TRAPPC3L: variants seen among roughly 807,000 people sequenced by gnomAD.
The protein encoded by TRAPPC3L is trafficking protein particle complex subunit 3L.
TRAPPC3L carries 23 observed loss-of-function variants against 23.7 expected under a neutral mutation model. That is an observed-to-expected ratio of 0.97 (90% CI 0.70 to 1.37). The LOEUF (loss-of-function observed/expected upper bound fraction) is 1.37, where lower values mean the gene tolerates loss of function less well. TRAPPC3L is among the 40% of genes most tolerant of loss of function. The probability of loss-of-function intolerance (pLI) is 0.00; values close to 1 mark genes in which losing one functional copy is unlikely to be tolerated. For synonymous variants in TRAPPC3L, 81 were observed against 77.9 expected (o/e 1.04, Z -0.21); for missense variants, 212 against 216.8 (o/e 0.98, Z 0.14).
Position 116,538,911 on chromosome 6 carries a change from TG to T in TRAPPC3L, c.240+1451del, listed in dbSNP as rs1374969864. Among the ~76,000 whole-genome samples the T allele has an allele frequency of 2.0e-5, 3 of 152,114 alleles. No individual in the cohort carries two copies. In the East Asian group the frequency reaches 5.8e-4, roughly 29 times the overall value. ...CGCCCGGCTAATTTTTGTATTTTTT[TG>T]TAGAGGTGGGATTTCACCATGTTGG... On this transcript the variant is annotated intron_variant, in intron 3 of 4. Coordinates refer to ENST00000368602, the MANE Select transcript of TRAPPC3L (RefSeq NM_001139444.3).
intron 3 of TRAPPC3L, chr6:116,521,928 C>A (rs1772350126): frequency 6.6e-6 from 1 of 152,130 alleles, no homozygotes; most frequent in Non-Finnish European, 1.5e-5. Context: ...CAATGCTCAA[C>A]AGTCTGGTAA....
At chr6:116,539,625 T>C (rs1292144969) in intron 3 of TRAPPC3L, among the ~76,000 whole-genome samples, 2 of 152,128 alleles carry the variant, frequency 1.3e-5, no homozygotes, top group Non-Finnish European at 2.9e-5. Flanking sequence ...CATGATGGTA[T>C]AGAATGACAG....
At chr6:116,512,057 A>G (rs777937710) in intron 3 of TRAPPC3L, 3 of 1,613,864 alleles carry the variant, frequency 1.9e-6, no homozygotes, top group Non-Finnish European at 2.5e-6. Flanking sequence ...GGCTCTGCTC[A>G]ATGGAACTTT....
At chr6:116,497,240 G>C (rs772460030) in intron 4 of TRAPPC3L, 167 bp from the exon 5 acceptor site, 1 of 822,566 alleles carries the variant, frequency 1.2e-6, no homozygotes, top group Non-Finnish European at 1.8e-6. Flanking sequence ...AGATGGTCCA[G>C]CTGTGTGTCA....
chr6:116,510,375 G>A (rs937274953), intron 3 of TRAPPC3L, among the ~76,000 whole-genome samples: 1 of 152,052 alleles, frequency 6.6e-6, no homozygotes, highest in Non-Finnish European at 1.5e-5. Context: ...TCAGCCTCCT[G>A]GGCTCAAGCG....
intron 3 of TRAPPC3L, among the ~76,000 whole-genome samples, chr6:116,505,256 C>T (rs990061773): frequency 7.2e-5 from 11 of 152,280 alleles, no homozygotes; most frequent in Non-Finnish European, 1.3e-4. Flanking sequence ...CATGAGTGAA[C>T]TCCCATTCAC....
chr6:116,539,273 T>C (rs1178290826), intron 3 of TRAPPC3L, among the ~76,000 whole-genome samples: 2 of 152,190 alleles, frequency 1.3e-5, no homozygotes, highest in African/African-American at 4.8e-5. Flanking sequence ...ATTCTGACAA[T>C]ATAAAAAGGG....
chr6:116,496,924 G>GC lies in TRAPPC3L; in HGVS notation c.*29dup, dbSNP rs533041729. On this transcript the variant is annotated 3_prime_UTR_variant, in exon 5 of 5. Transcript: ENST00000368602. ...TGTTTAGCTAACATTAACTCAGCTA[G>GC]CCGCCCCGTGGCATTTTCCGTGCTA... The GC allele has an allele frequency of 9.1e-4, 1,390 of 1,532,354 alleles. 30 individuals are homozygous for GC. In the Admixed American group the frequency reaches 0.027, roughly 30 times the overall value. The allele number at this position is 1,532,354 out of a possible 1,614,324, so 94.9% of individuals were successfully genotyped here. A position where few individuals can be genotyped will look rare whatever the true frequency, so the allele number is the denominator to read the frequency against.
chr6:116,503,095 C>T (rs938079886), intron 3 of TRAPPC3L, among the ~76,000 whole-genome samples: 2 of 152,024 alleles, frequency 1.3e-5, no homozygotes, highest in African/African-American at 4.8e-5. Flanking sequence ...GATGAAGAGT[C>T]AAGACCCATC....
At chr6:116,512,872 A>T (rs1244664603) in intron 3 of TRAPPC3L, among the ~76,000 whole-genome samples, 1 of 152,066 alleles carries the variant, frequency 6.6e-6, no homozygotes, top group Non-Finnish European at 1.5e-5. Context: ...TATGTTTTAT[A>T]CTCTTTGTGC....
intron 3 of TRAPPC3L, chr6:116,515,782 C>G (rs202108807): frequency 1.2e-6 from 2 of 1,613,988 alleles, no homozygotes; most frequent in Admixed American, 1.7e-5. Flanking sequence ...GCGAGAGGAA[C>G]CTGAAATGTT....
chr6:116,514,808 CT>C (rs1275526160), intron 3 of TRAPPC3L, among the ~76,000 whole-genome samples: 2 of 152,040 alleles, frequency 1.3e-5, no homozygotes, highest in African/African-American at 4.8e-5. Context: ...GGCTCATCTG[CT>C]AAAGAATATT....
At chr6:116,505,856 C>G (rs1247856780) in intron 3 of TRAPPC3L, among the ~76,000 whole-genome samples, 1 of 152,166 alleles carries the variant, frequency 6.6e-6, no homozygotes, top group Non-Finnish European at 1.5e-5. Context: ...ACACCTTATA[C>G]AAAAACTAAC....
chr6:116,507,524 C>T (rs1214945994), intron 3 of TRAPPC3L, among the ~76,000 whole-genome samples: 2 of 137,484 alleles, frequency 1.5e-5, no homozygotes, highest in Non-Finnish European at 3.3e-5. Flanking sequence ...GAACGTGAAT[C>T]ATCCCTTTGT....
Position 116,496,681 on chromosome 6 carries a change from G to A in TRAPPC3L, c.*273C>T. On this transcript the variant is annotated 3_prime_UTR_variant, in exon 5 of 5. Transcript: ENST00000368602. Reference sequence around the variant, plus strand: ...TGAATGGAATGAACAGCTTCTCTGAGGATGGATAGTGTAAGATGTGGAATT... The same window carrying A: ...TGAATGGAATGAACAGCTTCTCTGAAGATGGATAGTGTAAGATGTGGAATT... 3.2e-6 allele frequency: 1 copy of A among 310,416 alleles called. No homozygotes were observed. 19.2% of individuals were successfully genotyped at this position (310,416 alleles called of 1,614,324 possible). A position where few individuals can be genotyped will look rare whatever the true frequency, so the allele number is the denominator to read the frequency against.
chr6:116,530,942 T>TAC (rs1772676226), intron 3 of TRAPPC3L, among the ~76,000 whole-genome samples: 1 of 137,320 alleles, frequency 7.3e-6, no homozygotes, highest in African/African-American at 2.7e-5. Context: ...TATATATATA[T>TAC]ATGTTACTAA....
chr6:116,543,384 A>G lies in TRAPPC3L; in HGVS notation c.59T>C (p.Val20Ala), dbSNP rs1773580398. ...EYHKINKDLF[V>A]LTYGALVAQL... ...GGCAACCAGAGCTCCATAGGTAAGG[A>G]CAAAGAGATCTTTATTCTGGAGAAA... Residue 20 changes from valine (V) to alanine (A), a missense_variant, in exon 2 of 5, where the codon GTC becomes GCC. Physicochemically the swap from Val to Ala is moderately conservative, Grantham distance 64. Coordinates refer to ENST00000368602, the MANE Select transcript of TRAPPC3L (RefSeq NM_001139444.3). 1 of 1,549,676 alleles carries G rather than the reference A, an allele frequency of 6.5e-7. No homozygotes were observed. The highest frequency in any genetic ancestry group is 8.7e-7 in the Non-Finnish European group (1 of 1,145,626).
chr6:116,543,974 A>G, intron 1 of TRAPPC3L: 1 of 1,000,082 alleles, frequency 1.0e-6, no homozygotes, highest in Admixed American at 2.7e-5. Flanking sequence ...ATAAATGAAA[A>G]CTAAAACTTA....
chr6:116,521,443 A>T (rs1465772533), intron 3 of TRAPPC3L: 1 of 152,098 alleles, frequency 6.6e-6, no homozygotes, highest in African/African-American at 2.4e-5. Context: ...GGGCCAATAG[A>T]TAAGGAGAAT....
Sources: allele counts gnomAD v4.1 joint callset (sites outside exome capture counted in the v4.1 genomes callset), GRCh38; gene constraint gnomAD v4.1.1; transcripts MANE v1.5; gene names NCBI Gene and HGNC (gene_info 2026-07-23, HGNC 2026-07-21).